PTCHD4: variants seen among roughly 807,000 people sequenced by gnomAD.
The protein encoded by PTCHD4 is patched domain containing 4, also known as patched domain-containing protein 4.
Under a neutral mutation model 58.1 loss-of-function variants are expected in PTCHD4, and 33 were observed. That is an observed-to-expected ratio of 0.57 (90% CI 0.43 to 0.76). The LOEUF is 0.76. Among genes scored for constraint, PTCHD4 ranks in the 30% least tolerant of loss-of-function variants. The probability of loss-of-function intolerance (pLI) is 0.00; values close to 1 mark genes in which losing one functional copy is unlikely to be tolerated. For missense variants in PTCHD4, 1,058 were observed against 1,027.1 expected (o/e 1.03, Z -0.41); for synonymous variants, 478 against 409.6 (o/e 1.17, Z -2.02).
In PTCHD4 at chr6:47,949,011, C is replaced by T. The variant is rs560122681; in HGVS notation, c.898+59623G>A. 1.1e-4 allele frequency among the ~76,000 whole-genome samples: 16 copies of T among 152,244 alleles called. No homozygotes were observed. In the East Asian group the frequency reaches 2.3e-3, roughly 22 times the overall value. ...TCGTTTCTGAAAATTAAATGCTGTT[C>T]ATGGAGACAAATAATAAACAAGTTG... On this transcript the variant is annotated intron_variant, in intron 4 of 4. Coordinates refer to ENST00000339488, the MANE Select transcript of PTCHD4 (RefSeq NM_001384253.1).
rs1177194187 is a variant in PTCHD4, at chr6:47,878,444, A to T, written c.2391T>A (p.Phe797Leu). ...LTGGCTLLHC[F>L]VILPVFLTFF... ...ACGTTAGGAACACAGGTAAAATAAC[A>T]AAACAGTGCAGAAGTGTGCAACCCC... Residue 797 changes from phenylalanine (F) to leucine (L), a missense_variant, in exon 5 of 5, where the codon TTT (phenylalanine) becomes TTA (leucine). Coordinates refer to ENST00000339488, the MANE Select transcript of PTCHD4 (RefSeq NM_001384253.1). 2.7e-5 allele frequency: 43 copies of T among 1,613,460 alleles called. No individual in the cohort carries two copies. The highest frequency in any genetic ancestry group is 3.5e-5 in the Non-Finnish European group (41 of 1,179,708).
rs986582550 is a variant in PTCHD4, at chr6:47,875,794, A to T, written c.*2509T>A. Among the ~76,000 whole-genome samples, 1 of 151,898 alleles carries T rather than the reference A, an allele frequency of 6.6e-6. No homozygotes were observed. The highest frequency in any genetic ancestry group is 2.4e-5 in the African/African-American group (1 of 41,488). On this transcript the variant is annotated 3_prime_UTR_variant, in exon 5 of 5. Transcript: ENST00000339488. Reference sequence around the variant, plus strand: ...CCTCCATGTGCTTTTGACAACTGGCATGCTTGATTCTTTCCCTGTAAATCA... The same window carrying T: ...CCTCCATGTGCTTTTGACAACTGGCTTGCTTGATTCTTTCCCTGTAAATCA...
At position 47,861,898 on chromosome 6, in the gene PTCHD4, G is replaced by T. The variant is rs1182027326; in HGVS notation, c.*16405C>A. 2.6e-5 allele frequency among the ~76,000 whole-genome samples: 4 copies of T among 151,816 alleles called. No individual in the cohort carries two copies. The highest frequency in any genetic ancestry group is 5.9e-5 in the Non-Finnish European group (4 of 67,864). Reference sequence around the variant, plus strand: ...GATGGATTAATGAATGAATGATATGGCTAGTTCATCAGGTCATTTTATTTT... The same window carrying T: ...GATGGATTAATGAATGAATGATATGTCTAGTTCATCAGGTCATTTTATTTT... On this transcript the variant is annotated 3_prime_UTR_variant, in exon 5 of 5. Coordinates refer to ENST00000339488, the MANE Select transcript of PTCHD4 (RefSeq NM_001384253.1).
In PTCHD4 at chr6:47,864,990, CTGAT is replaced by C. The variant is rs1446895483; in HGVS notation, c.*13309_*13312del. ...TAGAAGATGACTGCAGAGCAGATCT[CTGAT>C]TGTGGGAGGAACAGTGATCTTGTTT... On this transcript the variant is annotated 3_prime_UTR_variant, in exon 5 of 5. Transcript: ENST00000339488. 1.3e-5 allele frequency among the ~76,000 whole-genome samples: 2 copies of C among 151,902 alleles called. No homozygotes were observed. The highest frequency in any genetic ancestry group is 4.8e-5 in the African/African-American group (2 of 41,400).
At chr6:47,974,885 C>G (rs1431173842) in intron 4 of PTCHD4, among the ~76,000 whole-genome samples, 2 of 152,146 alleles carry the variant, frequency 1.3e-5, no homozygotes, top group Non-Finnish European at 2.9e-5. Context: ...TCACATTAAA[C>G]TGTAATTTAT....
At chr6:48,046,617 A>G (rs1284491327) in intron 3 of PTCHD4, among the ~76,000 whole-genome samples, 1 of 151,786 alleles carries the variant, frequency 6.6e-6, no homozygotes, top group Non-Finnish European at 1.5e-5. Flanking sequence ...ATAATTCTAA[A>G]CTTACTGATA....
intron 1 of PTCHD4, among the ~76,000 whole-genome samples, chr6:48,088,764 C>T (rs1393339406): frequency 6.6e-6 from 1 of 152,054 alleles, no homozygotes; most frequent in Non-Finnish European, 1.5e-5. Flanking sequence ...TGGGGGATGG[C>T]CAGGTGCAGT....
At chr6:47,927,898 C>A (rs1196779798) in intron 4 of PTCHD4, among the ~76,000 whole-genome samples, 1 of 151,954 alleles carries the variant, frequency 6.6e-6, no homozygotes, top group Admixed American at 6.6e-5. Context: ...GCTGGGATTA[C>A]AGACATGAGC....
intron 4 of PTCHD4, among the ~76,000 whole-genome samples, chr6:48,000,292 C>A (rs80011312): frequency 6.6e-6 from 1 of 152,212 alleles, no homozygotes; most frequent in East Asian, 1.9e-4. Flanking sequence ...GACCCTGACC[C>A]GCACAATTTT....
intron 3 of PTCHD4, among the ~76,000 whole-genome samples, chr6:48,016,270 G>C (rs1476681555): frequency 6.6e-6 from 1 of 151,938 alleles, no homozygotes; most frequent in Non-Finnish European, 1.5e-5. Context: ...GAAGGCAGCA[G>C]GGCCTCTTCA....
intron 3 of PTCHD4, among the ~76,000 whole-genome samples, chr6:48,038,940 C>A (rs1161916242): frequency 6.6e-6 from 1 of 152,116 alleles, no homozygotes; most frequent in Non-Finnish European, 1.5e-5. Flanking sequence ...CTTACTTATT[C>A]TGTAGGTGTG....
chr6:48,027,734 A>C (rs555730681), intron 3 of PTCHD4, among the ~76,000 whole-genome samples: 1 of 152,244 alleles, frequency 6.6e-6, no homozygotes, highest in South Asian at 2.1e-4. Flanking sequence ...ACTATGAAGA[A>C]GTGTATGACT....
rs1763423660 is a variant in PTCHD4, at chr6:47,861,468, C to G, written c.*16835G>C. 6.6e-6 allele frequency among the ~76,000 whole-genome samples: 1 copy of G among 151,908 alleles called. No homozygotes were observed. Among genetic ancestry groups the G allele is most frequent in the Non-Finnish European group, 1.5e-5 (1 of 67,894 alleles). ...TTTCAAACAAAAAGATGTATACCCT[C>G]AAGGCTGTATCTGCTGTGTTTAATA... On this transcript the variant is annotated 3_prime_UTR_variant, in exon 5 of 5. Transcript: ENST00000339488.
intron 4 of PTCHD4, among the ~76,000 whole-genome samples, chr6:47,974,593 C>T (rs1018174498): frequency 2.0e-5 from 3 of 152,154 alleles, no homozygotes; most frequent in Admixed American, 2.0e-4. Context: ...CTGTAGAATT[C>T]CTCCTGTCCC....
At chr6:47,984,638 G>A (rs1237964614) in intron 4 of PTCHD4, among the ~76,000 whole-genome samples, 4 of 151,978 alleles carry the variant, frequency 2.6e-5, no homozygotes, top group Admixed American at 6.6e-5. Context: ...TTCATATAAA[G>A]GTTCAGTGCA....
chr6:47,911,406 C>T (rs1266725282), intron 4 of PTCHD4, among the ~76,000 whole-genome samples: 1 of 152,108 alleles, frequency 6.6e-6, no homozygotes, highest in African/African-American at 2.4e-5. Flanking sequence ...TTAGCAATTT[C>T]CTGTTTGTTT....
chr6:48,076,945 G>A (rs997203691), intron 1 of PTCHD4, among the ~76,000 whole-genome samples: 12 of 152,320 alleles, frequency 7.9e-5, no homozygotes, highest in African/African-American at 1.7e-4. Context: ...TGTTATGGGC[G>A]CATACTATTA....
At chr6:48,095,611 C>T (rs557427318) in intron 1 of PTCHD4, among the ~76,000 whole-genome samples, 1 of 151,980 alleles carries the variant, frequency 6.6e-6, no homozygotes, top group African/African-American at 2.4e-5. Flanking sequence ...AATGGCTGAA[C>T]CCGGGAGGCA....
intron 3 of PTCHD4, among the ~76,000 whole-genome samples, chr6:48,021,346 C>A (rs1286767515): frequency 6.6e-6 from 1 of 151,936 alleles, no homozygotes. Context: ...GCTGATCTGG[C>A]CTTGCACTTG....
Sources: allele counts gnomAD v4.1 joint callset (sites outside exome capture counted in the v4.1 genomes callset), GRCh38; gene constraint gnomAD v4.1.1; transcripts MANE v1.5; gene names NCBI Gene and HGNC (gene_info 2026-07-23, HGNC 2026-07-21).